PDE8B: variants seen among roughly 807,000 people sequenced by gnomAD.
PDE8B encodes the protein phosphodiesterase 8B.
A neutral mutation model predicts 101.3 loss-of-function variants in PDE8B; 26 were observed. The observed-to-expected ratio is 0.26, with a 90% confidence interval of 0.19 to 0.36. The LOEUF is 0.36. Ranked by LOEUF, PDE8B falls within the 10% of genes least tolerant of loss-of-function variation. The pLI, the probability that PDE8B is intolerant of heterozygous loss-of-function variation, is 1.00. For synonymous variants in PDE8B, 424 were observed against 429.3 expected (o/e 0.99, Z 0.15); for missense variants, 810 against 1,163.1 (o/e 0.70, Z 4.42).
At chr5:77,185,118 G>C in the PDE8B span, among the ~76,000 whole-genome samples, 1 of 152,196 alleles carries the variant, frequency 6.6e-6, no homozygotes, top group Admixed American at 6.5e-5. Context: ...CTTTTGGTAA[G>C]AACTAGTCAC....
chr5:77,126,217 G>C, the PDE8B span, among the ~76,000 whole-genome samples: 8,271 of 152,060 alleles, frequency 0.054, 561 homozygotes, highest in African/African-American at 0.16. Context: ...ACTGGGAGGT[G>C]GAGGCTGCAG....
chr5:77,251,068 C>T (rs1296630601), intron 1 of PDE8B, among the ~76,000 whole-genome samples: 1 of 152,190 alleles, frequency 6.6e-6, no homozygotes, highest in Non-Finnish European at 1.5e-5. Context: ...ACTTTGAAGT[C>T]AGACTGTCTG....
chr5:77,165,497 C>T, the PDE8B span: 17 of 152,212 alleles, frequency 1.1e-4, no homozygotes, highest in African/African-American at 4.1e-4. Flanking sequence ...TTTCCCCTGG[C>T]ATGGTAAGTG....
In PDE8B at chr5:77,408,907, C is replaced by T; in HGVS notation, c.1380C>T (p.Ile460=). 6.2e-7 allele frequency: 1 copy of T among 1,613,010 alleles called. No homozygotes were observed. The highest frequency in any genetic ancestry group is 8.5e-7 in the Non-Finnish European group (1 of 1,178,996). Residue 460 remains isoleucine (I), a synonymous_variant, in exon 14 of 22, where the codon ATC becomes ATT. Transcript: ENST00000264917. ...EAPITKVINI[I]NAAQENSPVT... is the part of the protein sequence containing the mutation. ...CACTCCGTTAGGTTATAAATATAAT[C>T]AATGCAGCCCAAGAAAACAGCCCAG...
At chr5:77,277,173 A>G (rs1366222928) in intron 1 of PDE8B, among the ~76,000 whole-genome samples, 1 of 152,230 alleles carries the variant, frequency 6.6e-6, no homozygotes, top group African/African-American at 2.4e-5. Context: ...AATTGCATCT[A>G]TAGAGTTAAA....
chr5:77,271,094 C>T (rs1377747299), intron 1 of PDE8B, among the ~76,000 whole-genome samples: 1 of 152,228 alleles, frequency 6.6e-6, no homozygotes, highest in Non-Finnish European at 1.5e-5. Context: ...CCCCACCCTT[C>T]TCATGCCTCT....
rs1407917134 is a variant in PDE8B, at chr5:77,211,381, T to C, written c.339+117T>C. ...CGTGAGGCGGTTGGTTTGGAGAGGT[T>C]GTCACTAAGGAGGAGTTTACTTTTC... On this transcript the variant is annotated intron_variant, in intron 1 of 21. Coordinates refer to ENST00000264917, the MANE Select transcript of PDE8B (RefSeq NM_003719.5). The surrounding 1 kb of genome is among the most constrained non-coding windows in gnomAD (Gnocchi z 4.1). The C allele has an allele frequency of 3.3e-5, 30 of 917,248 alleles. No homozygotes were observed. The highest frequency in any genetic ancestry group is 4.6e-5 in the Non-Finnish European group (29 of 626,712). 56.8% of individuals were successfully genotyped at this position (917,248 alleles called of 1,614,324 possible).
chr5:77,380,560 T>C (rs552437350), intron 10 of PDE8B, among the ~76,000 whole-genome samples: 6 of 152,338 alleles, frequency 3.9e-5, no homozygotes, highest in South Asian at 4.1e-4. Flanking sequence ...AAGTAAAATA[T>C]ATAATGGCCA....
chr5:77,404,836 G>A (rs142023961), intron 12 of PDE8B, 39 bp downstream of exon 12: 146 of 1,299,118 alleles, frequency 1.1e-4, no homozygotes, highest in Non-Finnish European at 1.6e-4. Flanking sequence ...TTTTTAAAAT[G>A]TAGAAAATGA....
intron 2 of PDE8B, among the ~76,000 whole-genome samples, chr5:77,314,251 G>A (rs943236392): frequency 3.3e-5 from 5 of 152,024 alleles, no homozygotes; most frequent in African/African-American, 9.7e-5. Context: ...TTATATGTCT[G>A]TCCTTATCCA....
intron 10 of PDE8B, among the ~76,000 whole-genome samples, chr5:77,376,917 C>A (rs762351520): frequency 2.6e-5 from 4 of 152,282 alleles, no homozygotes; most frequent in Non-Finnish European, 5.9e-5. Flanking sequence ...GGATCTCTCT[C>A]ATTCTCTTAT....
intron 1 of PDE8B, among the ~76,000 whole-genome samples, chr5:77,304,754 C>A (rs1257219883): frequency 1.3e-5 from 2 of 152,038 alleles, no homozygotes; most frequent in Non-Finnish European, 2.9e-5. Flanking sequence ...AACAGAAAAA[C>A]TATGAAAGAG....
chr5:77,110,536 G>C, the PDE8B span, among the ~76,000 whole-genome samples: 1 of 152,202 alleles, frequency 6.6e-6, no homozygotes, highest in Non-Finnish European at 1.5e-5. Context: ...CCAGTGAATA[G>C]TGGGTAATCT....
chr5:77,245,167 A>G (rs756791640), intron 1 of PDE8B, among the ~76,000 whole-genome samples: 2 of 152,248 alleles, frequency 1.3e-5, no homozygotes, highest in Non-Finnish European at 1.5e-5. Context: ...AATGAACTAG[A>G]ACATTGTCAT....
At chr5:77,345,052 T>C in intron 7 of PDE8B, 121 bp downstream of exon 7, 1 of 750,264 alleles carries the variant, frequency 1.3e-6, no homozygotes, top group East Asian at 2.5e-5. Flanking sequence ...TTAGGAGAAA[T>C]AAATATCAAG....
At chr5:77,286,561 T>G (rs951812329) in intron 1 of PDE8B, among the ~76,000 whole-genome samples, 4 of 151,906 alleles carry the variant, frequency 2.6e-5, no homozygotes, top group African/African-American at 7.2e-5. Context: ...TTGTTCACGC[T>G]CCAGAGCCCT....
intron 11 of PDE8B, among the ~76,000 whole-genome samples, chr5:77,402,744 T>G (rs2151019787): frequency 6.6e-6 from 1 of 152,354 alleles, no homozygotes; most frequent in African/African-American, 2.4e-5. Flanking sequence ...AATGAGATGC[T>G]ATCATTACCC....
At chr5:77,373,466 G>A (rs1306320489) in intron 10 of PDE8B, among the ~76,000 whole-genome samples, 1 of 152,128 alleles carries the variant, frequency 6.6e-6, no homozygotes. Flanking sequence ...ATCCCCAAGA[G>A]TTTCCTTGGG....
intron 10 of PDE8B, among the ~76,000 whole-genome samples, chr5:77,372,246 T>C (rs1241010937): frequency 6.7e-6 from 1 of 149,160 alleles, no homozygotes; most frequent in Non-Finnish European, 1.5e-5. Flanking sequence ...TTTTTAAAAT[T>C]AGCTTTCTAC....
Sources: gnomAD v4.1 joint callset for allele counts (sites outside exome capture counted in the v4.1 genomes callset) on GRCh38, gnomAD v4.1.1 for gene constraint, Gnocchi (gnomAD v3.1) non-coding constraint, MANE v1.5 for transcripts, NCBI Gene and HGNC (gene_info 2026-07-23, HGNC 2026-07-21) for gene names.